The following ABCB5 variants were observed in gnomAD, a reference collection of about 807,000 sequenced individuals.
ABCB5 encodes ATP binding cassette subfamily B member 5.
Under a neutral mutation model 144.2 loss-of-function variants are expected in ABCB5, and 155 were observed. That is an observed-to-expected ratio of 1.08 (90% CI 0.94 to 1.23). ABCB5 has a LOEUF of 1.23. Among genes scored for constraint, ABCB5 ranks in the 50% most tolerant of loss-of-function variants. ABCB5 has a pLI of 0.00. For missense variants in ABCB5, 1,830 were observed against 1,520.8 expected (o/e 1.20, Z -3.38); for synonymous variants, 610 against 528.6 (o/e 1.15, Z -2.11).
chr7:20,696,999 C>T (rs1786439836), intron 16 of ABCB5, among the ~76,000 whole-genome samples: 1 of 152,144 alleles, frequency 6.6e-6, no homozygotes, highest in African/African-American at 2.4e-5. Context: ...AAACCTTAAT[C>T]TCCTTACCAA....
At chr7:20,741,869 G>A (rs1184395485) in intron 24 of ABCB5, among the ~76,000 whole-genome samples, 2 of 152,046 alleles carry the variant, frequency 1.3e-5, no homozygotes, top group Admixed American at 6.6e-5. Context: ...ATGCAATTGA[G>A]AAGAACACAA....
intron 14 of ABCB5, chr7:20,659,844 C>T: frequency 1.1e-6 from 1 of 913,626 alleles, no homozygotes; most frequent in Non-Finnish European, 1.3e-6. Context: ...TCACCACACC[C>T]AGCTAATTTT....
At chr7:20,668,856 T>TCAGC (rs1785338215) in intron 14 of ABCB5, among the ~76,000 whole-genome samples, 1 of 100,660 alleles carries the variant, frequency 9.9e-6, no homozygotes, top group Non-Finnish European at 1.9e-5. Context: ...GGTGGGGGGG[T>TCAGC]CAGCCCCCCG....
chr7:20,664,884 G>A (rs1461314809), intron 14 of ABCB5, among the ~76,000 whole-genome samples: 2 of 152,180 alleles, frequency 1.3e-5, no homozygotes, highest in African/African-American at 4.8e-5. Flanking sequence ...GAGACCAGGA[G>A]CTCAATACCA....
intron 5 of ABCB5, among the ~76,000 whole-genome samples, chr7:20,635,720 A>G (rs1342601581): frequency 6.6e-6 from 1 of 152,142 alleles, no homozygotes; most frequent in East Asian, 1.9e-4. Context: ...ATTGGTGTAT[A>G]GAAATGTTAC....
chr7:20,725,607 G>C (rs1303125149), intron 21 of ABCB5, among the ~76,000 whole-genome samples: 7 of 152,060 alleles, frequency 4.6e-5, no homozygotes, highest in Admixed American at 3.3e-4. Context: ...ACTTTGAATA[G>C]CTTAATTAGT....
intron 5 of ABCB5, among the ~76,000 whole-genome samples, chr7:20,640,354 C>CT (rs1341658670): frequency 1.3e-5 from 2 of 151,980 alleles, no homozygotes; most frequent in South Asian, 2.1e-4. Context: ...TTTATGTGTG[C>CT]TTTTTTTTAA....
chr7:20,649,295 T>C (rs1784507834), intron 11 of ABCB5, among the ~76,000 whole-genome samples: 2 of 152,160 alleles, frequency 1.3e-5, no homozygotes, highest in Non-Finnish European at 2.9e-5. Flanking sequence ...TCCATTGCTT[T>C]ACAAATGGTG....
intron 27 of ABCB5, among the ~76,000 whole-genome samples, chr7:20,754,053 T>C (rs1306908296): frequency 6.6e-6 from 1 of 152,236 alleles, no homozygotes; most frequent in Non-Finnish European, 1.5e-5. Flanking sequence ...TTCTTGCACA[T>C]GTAGGCACTT....
chr7:20,644,571 C>T (rs918198819), intron 7 of ABCB5, among the ~76,000 whole-genome samples: 2 of 152,006 alleles, frequency 1.3e-5, no homozygotes, highest in East Asian at 1.9e-4. Flanking sequence ...GTTTTGAAAC[C>T]GATACTCTGT....
Position 20,727,083 on chromosome 7 carries a change from T to G in ABCB5, c.2669T>G (p.Leu890Ter). Residue 890 changes from leucine to a stop codon, truncating the protein, a stop_gained, in exon 22 of 28, where the codon TTA becomes TGA. Coordinates refer to ENST00000404938, the MANE Select transcript of ABCB5 (RefSeq NM_001163941.2). LOFTEE classifies it high-confidence loss of function. The part of the protein sequence containing the change: ...ALENIRTIVS[L>*]TREKAFEQMY... Reference sequence around the variant, plus strand: ...GAGAATATACGTACTATAGTGTCATTAACAAGGGAAAAAGCCTTCGAGCAA... The same window carrying G: ...GAGAATATACGTACTATAGTGTCATGAACAAGGGAAAAAGCCTTCGAGCAA... 1 of 1,613,736 alleles carries G rather than the reference T, an allele frequency of 6.2e-7. No homozygotes were observed. The highest frequency in any genetic ancestry group is 8.5e-7 in the Non-Finnish European group (1 of 1,179,792).
At chr7:20,680,971 TTTCTTTC>T (rs1785775841) in intron 14 of ABCB5, among the ~76,000 whole-genome samples, 3 of 9,766 alleles carry the variant, frequency 3.1e-4, no homozygotes, top group African/African-American at 1.5e-3. Context: ...CTCCTTTCTT[TTTCTTTC>T]TTTCTTTCTT....
At chr7:20,721,343 C>T (rs1386344722) in intron 20 of ABCB5, among the ~76,000 whole-genome samples, 1 of 152,120 alleles carries the variant, frequency 6.6e-6, no homozygotes, top group East Asian at 1.9e-4. Context: ...TTGTACGGGA[C>T]TAGTGATAGT....
intron 23 of ABCB5, 85 bp downstream of exon 23, chr7:20,728,540 G>C: frequency 6.8e-7 from 1 of 1,464,072 alleles, no homozygotes; most frequent in Non-Finnish European, 9.2e-7. Flanking sequence ...GATCACTTGA[G>C]GTCAGGAGTT....
intron 20 of ABCB5, among the ~76,000 whole-genome samples, chr7:20,711,824 C>CT (rs1787062407): frequency 9.3e-5 from 5 of 53,888 alleles, no homozygotes; most frequent in African/African-American, 8.1e-4. Flanking sequence ...TTCTTTCTTT[C>CT]TTTCTTTCTT....
intron 19 of ABCB5, among the ~76,000 whole-genome samples, chr7:20,701,141 C>G (rs747388653): frequency 3.3e-5 from 5 of 152,172 alleles, no homozygotes; most frequent in Non-Finnish European, 7.3e-5. Context: ...TGGAGACACT[C>G]CTTAATCCAG....
At chr7:20,739,257 T>C (rs1782487945) in intron 24 of ABCB5, 118 bp downstream of exon 24, 16 of 1,037,402 alleles carry the variant, frequency 1.5e-5, no homozygotes, top group Non-Finnish European at 2.1e-5. Context: ...TTGGGTGCTA[T>C]ACTCAGTACC....
In ABCB5 at chr7:20,620,701, A is replaced by G. The variant is rs538975984; in HGVS notation, c.-21-2564A>G. On this transcript the variant is annotated intron_variant, in intron 1 of 27. Coordinates refer to ENST00000404938, the MANE Select transcript of ABCB5 (RefSeq NM_001163941.2). ...CGCAACCACAATGAGATACCACATC[A>G]CACCCACTAGGATTTCTATTGTCCA... Among the ~76,000 whole-genome samples, 15 of 152,236 alleles carry G rather than the reference A, an allele frequency of 9.9e-5. No homozygotes were observed. In the South Asian group the frequency reaches 2.9e-3, roughly 29 times the overall value.
intron 11 of ABCB5, 137 bp from the exon 12 acceptor site, chr7:20,649,885 T>A: frequency 2.1e-6 from 2 of 931,760 alleles, no homozygotes; most frequent in Non-Finnish European, 3.1e-6. Flanking sequence ...CACATGTACA[T>A]GAAACAAACA....
Sources: gnomAD v4.1 joint callset for allele counts (sites outside exome capture counted in the v4.1 genomes callset) on GRCh38, gnomAD v4.1.1 for gene constraint, MANE v1.5 for transcripts, NCBI Gene and HGNC (gene_info 2026-07-23, HGNC 2026-07-21) for gene names.